The following PRKCE variants were observed in gnomAD, a reference collection of about 807,000 sequenced individuals.
PRKCE encodes the protein protein kinase C epsilon type.
A neutral mutation model predicts 85.4 loss-of-function variants in PRKCE; 16 were observed. The ratio of observed to expected loss-of-function variants is 0.19; its 90% confidence interval spans 0.13 to 0.28. The LOEUF is 0.28. Among genes scored for constraint, PRKCE ranks in the 10% least tolerant of loss-of-function variants. The probability of loss-of-function intolerance (pLI) is 1.00; values close to 1 mark genes in which losing one functional copy is unlikely to be tolerated. For synonymous variants in PRKCE, 388 were observed against 371.5 expected (o/e 1.04, Z -0.51); for missense variants, 573 against 975.2 (o/e 0.59, Z 5.49).
intron 11 of PRKCE, among the ~76,000 whole-genome samples, chr2:46,103,432 G>T (rs1373557725): frequency 6.6e-6 from 1 of 152,140 alleles, no homozygotes; most frequent in Non-Finnish European, 1.5e-5. Flanking sequence ...GTCATTTCTT[G>T]TAGTCCCTCT....
chr2:45,683,744 C>A (rs997901913), intron 1 of PRKCE, among the ~76,000 whole-genome samples: 3 of 152,170 alleles, frequency 2.0e-5, no homozygotes, highest in Admixed American at 6.5e-5. Flanking sequence ...TAAAATATAA[C>A]AAGATAAACG....
intron 1 of PRKCE, among the ~76,000 whole-genome samples, chr2:45,809,535 C>A (rs1050806623): frequency 1.3e-5 from 2 of 152,078 alleles, no homozygotes; most frequent in Non-Finnish European, 2.9e-5. Context: ...TAACAGAAAG[C>A]CTCCAATAAT....
intron 1 of PRKCE, among the ~76,000 whole-genome samples, chr2:45,658,521 A>G (rs941180013): frequency 1.3e-5 from 2 of 152,212 alleles, no homozygotes; most frequent in Non-Finnish European, 2.9e-5. Flanking sequence ...ACTGGAAGGC[A>G]TCTCCACCAC....
chr2:45,908,259 CA>C (rs1293406139), intron 2 of PRKCE, among the ~76,000 whole-genome samples: 4 of 152,100 alleles, frequency 2.6e-5, no homozygotes, highest in Non-Finnish European at 5.9e-5. Flanking sequence ...GGGAAAGAAA[CA>C]TGATAAAATA....
At chr2:45,729,350 C>T (rs1681363343) in intron 1 of PRKCE, among the ~76,000 whole-genome samples, 1 of 152,184 alleles carries the variant, frequency 6.6e-6, no homozygotes, top group African/African-American at 2.4e-5. Context: ...AAGCCTGTGT[C>T]TTCTTAGCAG....
At chr2:45,893,688 T>TC (rs1469071391) in intron 2 of PRKCE, among the ~76,000 whole-genome samples, 1 of 152,008 alleles carries the variant, frequency 6.6e-6, no homozygotes. Flanking sequence ...GCTTGGGGCC[T>TC]CCCCCAGTGC....
chr2:45,696,805 T>C (rs1223625551), intron 1 of PRKCE, among the ~76,000 whole-genome samples: 1 of 152,160 alleles, frequency 6.6e-6, no homozygotes, highest in African/African-American at 2.4e-5. Flanking sequence ...GATAACAAGC[T>C]TTTCATTAGA....
chr2:45,977,826 T>C (rs1428077163), intron 3 of PRKCE, among the ~76,000 whole-genome samples: 2 of 152,212 alleles, frequency 1.3e-5, no homozygotes, highest in Admixed American at 1.3e-4. Context: ...ATACTTTTCC[T>C]GACATCCCAC....
At chr2:46,027,525 A>G (rs1203544745) in intron 10 of PRKCE, among the ~76,000 whole-genome samples, 2 of 152,316 alleles carry the variant, frequency 1.3e-5, no homozygotes, top group Non-Finnish European at 1.5e-5. Flanking sequence ...TTTAAAATGC[A>G]TATGCATATT....
intron 14 of PRKCE, among the ~76,000 whole-genome samples, chr2:46,180,838 A>G (rs1679909626): frequency 6.6e-6 from 1 of 152,212 alleles, no homozygotes; most frequent in Non-Finnish European, 1.5e-5. Context: ...ATAACCAGGA[A>G]AGGATGGCAC....
rs1449360131 is a variant in PRKCE at position 45,786,093 on chromosome 2, T to C, written c.349-56907T>C. Reference sequence around the variant, plus strand: ...AGATACCTGCTTCTCTCCAGGGACCTATGGCCTTCCATAGGCACCTGCTGG... The same window carrying C: ...AGATACCTGCTTCTCTCCAGGGACCCATGGCCTTCCATAGGCACCTGCTGG... On this transcript the variant is annotated intron_variant, in intron 1 of 14. Transcript: ENST00000306156. This position sits in a 1 kb window ranked among gnomAD's most constrained non-coding sequence, Gnocchi z 5.3. Among the ~76,000 whole-genome samples the C allele has an allele frequency of 6.6e-6, 1 of 152,156 alleles. No individual in the cohort carries two copies. The highest frequency in any genetic ancestry group is 1.5e-5 in the Non-Finnish European group (1 of 68,012).
intron 1 of PRKCE, among the ~76,000 whole-genome samples, chr2:45,773,682 TTGGCC>T (rs1361906133): frequency 6.6e-6 from 1 of 152,224 alleles, no homozygotes; most frequent in African/African-American, 2.4e-5. Flanking sequence ...CAAGTAGGCC[TTGGCC>T]TGGGGAAAGA....
intron 11 of PRKCE, among the ~76,000 whole-genome samples, chr2:46,123,214 CTTTTTTTTTT>C (rs70937991): frequency 1.9e-3 from 51 of 27,374 alleles, no homozygotes; most frequent in Admixed American, 4.1e-3. Flanking sequence ...AAACACTTGC[CTTTTTTTTTT>C]TTTTTTTTTT....
At chr2:45,750,133 T>C (rs1046350726) in intron 1 of PRKCE, among the ~76,000 whole-genome samples, 2 of 152,230 alleles carry the variant, frequency 1.3e-5, no homozygotes, top group African/African-American at 4.8e-5. Flanking sequence ...TAAAAAATTA[T>C]GGTGAAGTAC....
intron 2 of PRKCE, among the ~76,000 whole-genome samples, chr2:45,929,626 C>G (rs1380878808): frequency 6.6e-6 from 1 of 152,148 alleles, no homozygotes; most frequent in African/African-American, 2.4e-5. Flanking sequence ...CTCATATTAT[C>G]AAAGGTTCTT....
At chr2:45,986,472 T>G (rs1703333334) in intron 6 of PRKCE, among the ~76,000 whole-genome samples, 1 of 151,742 alleles carries the variant, frequency 6.6e-6, no homozygotes, top group African/African-American at 2.4e-5. Context: ...CTTCCCCAGA[T>G]GGAGGGCAAG....
intron 1 of PRKCE, among the ~76,000 whole-genome samples, chr2:45,749,186 A>G (rs1047462487): frequency 3.3e-5 from 5 of 152,184 alleles, no homozygotes; most frequent in Non-Finnish European, 7.3e-5. Context: ...TGAGTCCCTG[A>G]CCTGGGAACA....
intron 11 of PRKCE, among the ~76,000 whole-genome samples, chr2:46,088,339 T>A (rs1669845647): frequency 6.6e-6 from 1 of 152,176 alleles, no homozygotes; most frequent in Non-Finnish European, 1.5e-5. Context: ...ACCTCCTCTG[T>A]CCAGCCCCAA....
intron 14 of PRKCE, among the ~76,000 whole-genome samples, chr2:46,166,086 G>A (rs557825776): frequency 6.1e-4 from 93 of 152,320 alleles, no homozygotes; most frequent in African/African-American, 2.0e-3. Flanking sequence ...GCTGCATGGC[G>A]GGACCCCCGA....
Sources: gnomAD v4.1 joint callset for allele counts (sites outside exome capture counted in the v4.1 genomes callset) on GRCh38, gnomAD v4.1.1 for gene constraint, Gnocchi (gnomAD v3.1) non-coding constraint, MANE v1.5 for transcripts, NCBI Gene and HGNC (gene_info 2026-07-23, HGNC 2026-07-21) for gene names.